TCF3: variants seen among roughly 807,000 people sequenced by gnomAD.
TCF3 encodes transcription factor 3, also known as transcription factor E2-alpha.
Under a neutral mutation model 72.3 loss-of-function variants are expected in TCF3, and 54 were observed. The observed-to-expected ratio is 0.75, with a 90% CI of 0.60 to 0.94. The LOEUF is 0.94. Ranked by LOEUF, TCF3 falls within the 40% of genes least tolerant of loss-of-function variation. The pLI is 0.00. For synonymous variants in TCF3, 525 were observed against 412.6 expected, an observed-to-expected ratio of 1.27 and a Z score of -3.30; for missense variants, 1,078 against 934.4, an observed-to-expected ratio of 1.15 and a Z score of -2.00.
At chr19:1,622,509 A>G in intron 8 of TCF3, 94 bp from the exon 9 acceptor site, 2 of 641,154 alleles carry the variant, frequency 3.1e-6, no homozygotes, top group Non-Finnish European at 5.0e-6. Context: ...TCCTGGTAGC[A>G]CATCTACCAC....
Position 1,619,769 on chromosome 19 carries a change from C to A in TCF3, c.1167+11G>T, listed in dbSNP as rs563817488. ...CGGGGAAGGGTGGGGTGGGGCGGGG[C>A]AGGCACTCACCAGGCCGTGGAGACC... On this transcript the variant is annotated intron_variant, in intron 14 of 18. Coordinates refer to ENST00000262965, the MANE Select transcript of TCF3 (RefSeq NM_003200.5). The A allele has an allele frequency of 5.2e-6, 8 of 1,536,534 alleles. No homozygotes were observed. The Admixed American group carries it at 9.8e-5, about 19-fold the overall frequency.
At chr19:1,632,551 T>C (rs2063837131) in intron 3 of TCF3, 146 bp from the exon 4 acceptor site, 2 of 733,346 alleles carry the variant, frequency 2.7e-6, no homozygotes, top group Non-Finnish European at 4.5e-6. Context: ...GCCCGACTCA[T>C]GAGGACACCA....
intron 3 of TCF3, among the ~76,000 whole-genome samples, chr19:1,635,172 G>A (rs2064227251): frequency 6.6e-6 from 1 of 152,208 alleles, no homozygotes; most frequent in Non-Finnish European, 1.5e-5. Context: ...GATGGGCCTG[G>A]GGACTTCATC....
chr19:1,625,913 C>A (rs774602209), intron 6 of TCF3, among the ~76,000 whole-genome samples: 1 of 152,202 alleles, frequency 6.6e-6, no homozygotes, highest in African/African-American at 2.4e-5. Flanking sequence ...GCTGTTTTCA[C>A]GAAGAACGAA....
chr19:1,626,694 C>T (rs1324381297), intron 6 of TCF3, among the ~76,000 whole-genome samples: 9 of 152,302 alleles, frequency 5.9e-5, no homozygotes, highest in African/African-American at 1.4e-4. Flanking sequence ...ACGTAGGCCG[C>T]GGCCCCTCGT....
chr19:1,636,357 A>G (rs1258551991), intron 3 of TCF3, among the ~76,000 whole-genome samples: 2 of 152,154 alleles, frequency 1.3e-5, no homozygotes, highest in South Asian at 2.1e-4. Context: ...ACGGGGTTTC[A>G]TACATGTTGG....
Position 1,648,817 on chromosome 19 carries a change from T to TG in TCF3, c.72+1359dup, listed in dbSNP as rs4030798. Among the ~76,000 whole-genome samples the TG allele has an allele frequency of 7.1e-3, 841 of 118,282 alleles. 10 individuals are homozygous for TG. The highest frequency in any genetic ancestry group is 0.011 in the African/African-American group (339 of 30,702). The allele number at this position is 118,282 out of a possible 152,430, so 77.6% of individuals were successfully genotyped here. ...CAACCCCAAACGCTGCCACTGGGCA[T>TG]GGGGGGGGGGGGGGAGCAGAATTTA... On this transcript the variant is annotated intron_variant, in intron 2 of 18. Coordinates refer to ENST00000262965, the MANE Select transcript of TCF3 (RefSeq NM_003200.5).
chr19:1,623,020 G>A (rs2146175074), intron 8 of TCF3, among the ~76,000 whole-genome samples: 1 of 152,280 alleles, frequency 6.6e-6, no homozygotes, highest in Middle Eastern at 3.4e-3. Context: ...GGCAGAGAAA[G>A]TGCACCCTGG....
chr19:1,638,261 A>G (rs1488812540), intron 3 of TCF3, among the ~76,000 whole-genome samples: 1 of 152,262 alleles, frequency 6.6e-6, no homozygotes, highest in Non-Finnish European at 1.5e-5. Context: ...GATAGATGCC[A>G]TTTGCTCAAG....
In TCF3 at chr19:1,619,856, G is replaced by A; in HGVS notation, c.1094-3C>T. 1 of 1,575,602 alleles carries A rather than the reference G, an allele frequency of 6.3e-7. No homozygotes were observed. Among genetic ancestry groups the A allele is most frequent in the Non-Finnish European group, 8.6e-7 (1 of 1,161,430 alleles). Reference sequence around the variant, plus strand: ...TGCTCGAGGCCACTGTGACGTTCCTGGAAGGGAGTGGGGACGTGAATGGGG... The same window carrying A: ...TGCTCGAGGCCACTGTGACGTTCCTAGAAGGGAGTGGGGACGTGAATGGGG... On this transcript the variant is annotated splice_polypyrimidine_tract_variant and splice_region_variant and intron_variant, in intron 13 of 18. Coordinates refer to ENST00000262965, the MANE Select transcript of TCF3 (RefSeq NM_003200.5).
intron 3 of TCF3, among the ~76,000 whole-genome samples, chr19:1,637,607 C>G (rs554959401): frequency 3.3e-5 from 5 of 152,166 alleles, no homozygotes; most frequent in Non-Finnish European, 7.3e-5. Flanking sequence ...CCCCTCAAAA[C>G]AAGCTCAGAA....
chr19:1,650,730 A>C lies in TCF3; in HGVS notation c.-39-443T>G, dbSNP rs1208455920. On this transcript the variant is annotated intron_variant, in intron 1 of 18. Coordinates refer to ENST00000262965, the MANE Select transcript of TCF3 (RefSeq NM_003200.5). Reference sequence around the variant, plus strand: ...CCCGATCCTACCCCGCCCCGAGGGAAATTTGGTGATTCCCCCCTCCCCCAG... The same window carrying C: ...CCCGATCCTACCCCGCCCCGAGGGACATTTGGTGATTCCCCCCTCCCCCAG... The C allele has an allele frequency of 1.3e-5, 3 of 229,482 alleles. No homozygotes were observed. The East Asian group carries it at 1.9e-4, about 14-fold the overall frequency. 14.2% of individuals were successfully genotyped at this position (229,482 alleles called of 1,614,324 possible).
At chr19:1,641,928 G>A (rs1225143048) in intron 3 of TCF3, among the ~76,000 whole-genome samples, 1 of 151,742 alleles carries the variant, frequency 6.6e-6, no homozygotes, top group Non-Finnish European at 1.5e-5. Flanking sequence ...TTAGGTGGTC[G>A]CAGCTGCTCA....
Position 1,615,487 on chromosome 19 carries a change from T to C in TCF3, c.1620A>G (p.Pro540=), listed in dbSNP as rs1379969637. The C allele has an allele frequency of 9.9e-6, 16 of 1,610,700 alleles. No homozygotes were observed. The highest frequency in any genetic ancestry group is 5.0e-5 in the Admixed American group (3 of 59,982). The change falls in exon 18 of 19, where the codon CCA becomes CCG. Residue 540 remains proline (P), a synonymous_variant. Coordinates refer to ENST00000262965, the MANE Select transcript of TCF3 (RefSeq NM_003200.5). This position sits in a 1 kb window ranked among gnomAD's most constrained non-coding sequence, Gnocchi z 7.3. ...PDEDEDDLLP[P]EQKAEREKER... Reference sequence around the variant, plus strand: ...CCTTCTCCCGCTCGGCCTTCTGCTCTGGGGGGAGAAGGTCGTCCTCGTCCT... The same window carrying C: ...CCTTCTCCCGCTCGGCCTTCTGCTCCGGGGGGAGAAGGTCGTCCTCGTCCT...
rs1459323375 is a variant in TCF3, at chr19:1,615,971, A to T, written c.1451-150T>A. On this transcript the variant is annotated intron_variant, in intron 16 of 18. Transcript: ENST00000262965. This position sits in a 1 kb window ranked among gnomAD's most constrained non-coding sequence, Gnocchi z 7.3. Reference sequence around the variant, plus strand: ...ACAAAAAACCAACAACCAGAACTGGATCCCTACCTCACGCCATGTGTAGCT... The same window carrying T: ...ACAAAAAACCAACAACCAGAACTGGTTCCCTACCTCACGCCATGTGTAGCT... The T allele has an allele frequency of 1.1e-6, 1 of 906,858 alleles. No individual in the cohort carries two copies. Among genetic ancestry groups the T allele is most frequent in the Non-Finnish European group, 1.6e-6 (1 of 634,572 alleles). The allele number at this position is 906,858 out of a possible 1,614,324, so 56.2% of individuals were successfully genotyped here.
chr19:1,612,102 A>G lies in TCF3; in HGVS notation c.1823-253T>C, dbSNP rs1394676271. The G allele has an allele frequency of 1.6e-5, 19 of 1,196,710 alleles. No homozygotes were observed. The East Asian group carries it at 4.1e-4, about 26-fold the overall frequency. 74.1% of individuals were successfully genotyped at this position (1,196,710 alleles called of 1,614,324 possible). A position where few individuals can be genotyped will look rare whatever the true frequency, so the allele number is the denominator to read the frequency against. ...GGTCTGAGTCCAGCCACAAAGACAG[A>G]CATGGACAGAGTCCGGGGGCGGCAA... On this transcript the variant is annotated intron_variant, in intron 18 of 18. Coordinates refer to ENST00000262965, the MANE Select transcript of TCF3 (RefSeq NM_003200.5).
chr19:1,622,937 G>A (rs1048205268), intron 8 of TCF3, among the ~76,000 whole-genome samples: 1 of 152,184 alleles, frequency 6.6e-6, no homozygotes, highest in East Asian at 1.9e-4. Context: ...TGTTGGTAAC[G>A]TCTGCTGCTG....
At chr19:1,651,107 G>A (rs968327050) in intron 1 of TCF3, 3 of 231,714 alleles carry the variant, frequency 1.3e-5, no homozygotes, top group Non-Finnish European at 2.6e-5. Flanking sequence ...CGTGGTCCCA[G>A]GGGGCTCCAT....
Position 1,610,643 on chromosome 19 carries a change from A to AG in TCF3, c.*1063dup, listed in dbSNP as rs1043492206. The AG allele has an allele frequency of 4.3e-5, 10 of 230,456 alleles. No individual in the cohort carries two copies. Among genetic ancestry groups the AG allele is most frequent in the East Asian group, 1.8e-4 (3 of 16,316 alleles). The allele number at this position is 230,456 out of a possible 1,614,324, so 14.3% of individuals were successfully genotyped here. On this transcript the variant is annotated 3_prime_UTR_variant, in exon 19 of 19. Coordinates refer to ENST00000262965, the MANE Select transcript of TCF3 (RefSeq NM_003200.5). ...TGCAGGTTCCAAGGGAGAGCAGCTT[A>AG]GGGGGGCCTGGGGAGGGCGTTGTGT...
Sources: allele counts gnomAD v4.1 joint callset (sites outside exome capture counted in the v4.1 genomes callset), GRCh38; gene constraint gnomAD v4.1.1; non-coding constraint Gnocchi (gnomAD v3.1); transcripts MANE v1.5; gene names NCBI Gene and HGNC (gene_info 2026-07-23, HGNC 2026-07-21).